Variants in TIAM1 observed in about 807,000 individuals in gnomAD.
The protein encoded by TIAM1 is rho guanine nucleotide exchange factor TIAM1.
A neutral mutation model predicts 163.5 loss-of-function variants in TIAM1; 65 were observed. That is an observed-to-expected ratio of 0.40 (90% CI 0.33 to 0.49). TIAM1 has a LOEUF of 0.49. TIAM1 is among the 20% of genes least tolerant of loss of function. TIAM1 has a pLI of 0.77. For missense variants in TIAM1, 1,789 were observed against 2,044.7 expected, an observed-to-expected ratio of 0.87 and a Z score of 2.41; for synonymous variants, 833 against 810.1, an observed-to-expected ratio of 1.03 and a Z score of -0.48.
intron 5 of TIAM1, among the ~76,000 whole-genome samples, chr21:31,249,291 C>G (rs1402316406): frequency 6.6e-6 from 1 of 152,232 alleles, no homozygotes; most frequent in East Asian, 1.9e-4. Flanking sequence ...AGACAGCCAT[C>G]TCCAAGTCAA....
intron 2 of TIAM1, among the ~76,000 whole-genome samples, chr21:31,417,989 T>C (rs1171890365): frequency 6.6e-6 from 1 of 152,078 alleles, no homozygotes; most frequent in Non-Finnish European, 1.5e-5. Context: ...TGTGAGCCCT[T>C]CAGTTTTTAT....
intron 2 of TIAM1, among the ~76,000 whole-genome samples, chr21:31,311,057 C>T (rs2074906400): frequency 6.6e-6 from 1 of 152,072 alleles, no homozygotes; most frequent in Non-Finnish European, 1.5e-5. Context: ...GACTCTCTCA[C>T]GATATGTAAA....
At chr21:31,289,738 T>C (rs2146909007) in intron 2 of TIAM1, among the ~76,000 whole-genome samples, 1 of 152,306 alleles carries the variant, frequency 6.6e-6, no homozygotes, top group African/African-American at 2.4e-5. Context: ...CCTCTTTTAA[T>C]ATAAAGGCAA....
At chr21:31,242,168 A>T (rs954944833) in intron 6 of TIAM1, among the ~76,000 whole-genome samples, 4 of 152,214 alleles carry the variant, frequency 2.6e-5, no homozygotes, top group African/African-American at 9.6e-5. Flanking sequence ...AAAGAAATAA[A>T]GTATGAGGCT....
intron 2 of TIAM1, among the ~76,000 whole-genome samples, chr21:31,298,858 A>G (rs2074396720): frequency 1.3e-5 from 2 of 151,888 alleles, no homozygotes; most frequent in South Asian, 4.2e-4. Context: ...GGCCATGAGA[A>G]GTATAATGGT....
At chr21:31,400,920 G>A (rs969656500) in intron 2 of TIAM1, among the ~76,000 whole-genome samples, 8 of 152,008 alleles carry the variant, frequency 5.3e-5, no homozygotes, top group South Asian at 2.1e-4. Flanking sequence ...GAGAAACCCC[G>A]GCTCTACTAA....
intron 1 of TIAM1, among the ~76,000 whole-genome samples, chr21:31,482,156 C>T (rs534627854): frequency 1.0e-5 from 1 of 96,250 alleles, no homozygotes; most frequent in African/African-American, 4.9e-5. Flanking sequence ...CCATAACAAA[C>T]ATCCTTTTTT....
chr21:31,485,023 G>A (rs376080680), intron 1 of TIAM1, among the ~76,000 whole-genome samples: 5 of 152,340 alleles, frequency 3.3e-5, no homozygotes, highest in African/African-American at 1.2e-4. Flanking sequence ...AAATCTGCCA[G>A]TGCCTTGATC....
At chr21:31,438,746 G>A (rs1311329599) in intron 2 of TIAM1, among the ~76,000 whole-genome samples, 2 of 152,068 alleles carry the variant, frequency 1.3e-5, no homozygotes, top group Non-Finnish European at 2.9e-5. Context: ...TGGCATTTTG[G>A]GCTGAATAAT....
At chr21:31,404,535 T>G (rs927642075) in intron 2 of TIAM1, among the ~76,000 whole-genome samples, 7 of 146,480 alleles carry the variant, frequency 4.8e-5, no homozygotes, top group African/African-American at 1.6e-4. Context: ...TCCAGTATGG[T>G]CTTTTTTTTT....
intron 4 of TIAM1, among the ~76,000 whole-genome samples, chr21:31,260,833 G>A (rs1453054355): frequency 6.6e-6 from 1 of 152,040 alleles, no homozygotes; most frequent in African/African-American, 2.4e-5. Flanking sequence ...GCCTCTAGAT[G>A]GACTTTAGGG....
chr21:31,329,413 CCTGACGACTCCTTGTGG>C (rs1269574714), intron 2 of TIAM1, among the ~76,000 whole-genome samples: 3 of 152,206 alleles, frequency 2.0e-5, no homozygotes, highest in Non-Finnish European at 4.4e-5. Flanking sequence ...TGCACACAGT[CCTGACGACTCCTTGTGG>C]GAAGGGTGAT....
chr21:31,445,406 T>C (rs2044587742), intron 2 of TIAM1, among the ~76,000 whole-genome samples: 2 of 152,208 alleles, frequency 1.3e-5, no homozygotes, highest in Admixed American at 1.3e-4. Flanking sequence ...CTGGTTTTGC[T>C]GAAAGAGGGG....
At chr21:31,337,237 C>G (rs990145568) in intron 2 of TIAM1, among the ~76,000 whole-genome samples, 1 of 152,012 alleles carries the variant, frequency 6.6e-6, no homozygotes, top group Non-Finnish European at 1.5e-5. Flanking sequence ...GCACTCTAGA[C>G]CCAGGGCAAG....
rs1568980509 is a variant in TIAM1 at position 31,181,753 on chromosome 21, CTTCTTTTTTTTTTTTTTTTTT to C, written c.2887+647_2887+667del. 7.1e-4 allele frequency among the ~76,000 whole-genome samples: 28 copies of C among 39,438 alleles called. 2 individuals carry two copies. Among genetic ancestry groups the C allele is most frequent in the African/African-American group, 2.1e-3 (28 of 13,092 alleles). The allele number at this position is 39,438 out of a possible 152,430, so 25.9% of individuals were successfully genotyped here. The stretch of plus-strand genomic sequence containing the variant: ...ATTCCCAGCACTTCTTCTTCTTCTT[CTTCTTTTTTTTTTTTTTTTTT>C]TTTTTTTTTTTTTTTTTTTTTTTTT... On this transcript the variant is annotated intron_variant, in intron 15 of 27. Coordinates refer to ENST00000541036, the MANE Select transcript of TIAM1 (RefSeq NM_001353694.2).
At chr21:31,121,342 T>C (rs1351226057) in intron 27 of TIAM1, among the ~76,000 whole-genome samples, 2 of 152,146 alleles carry the variant, frequency 1.3e-5, no homozygotes, top group Admixed American at 6.6e-5. Flanking sequence ...GGTGCATCTA[T>C]GGTTTTGCTG....
In TIAM1 at chr21:31,182,656, A is replaced by G. The variant is rs376550096; in HGVS notation, c.2663-11T>C. ...CTCCTGCTTTCAGGCCTGCCAACGCAAGATGGAAAATTTTTAATTTCACAC... is the reference window on the plus strand; with the variant it reads ...CTCCTGCTTTCAGGCCTGCCAACGCGAGATGGAAAATTTTTAATTTCACAC... On this transcript the variant is annotated splice_polypyrimidine_tract_variant and intron_variant, in intron 14 of 27. Transcript: ENST00000541036. 287 of 1,605,292 alleles carry G rather than the reference A, an allele frequency of 1.8e-4. No individual in the cohort carries two copies. Among genetic ancestry groups the G allele is most frequent in the Non-Finnish European group, 2.4e-4 (279 of 1,176,032 alleles).
intron 20 of TIAM1, among the ~76,000 whole-genome samples, chr21:31,144,180 A>G (rs2082992962): frequency 6.6e-6 from 1 of 152,224 alleles, no homozygotes; most frequent in South Asian, 2.1e-4. Flanking sequence ...CCTGAAGAGA[A>G]AGGACACTGG....
At position 31,280,683 on chromosome 21, in the gene TIAM1, C is replaced by T. The variant is rs57577864; in HGVS notation, c.-188-3775G>A. On this transcript the variant is annotated intron_variant, in intron 2 of 27. Transcript: ENST00000541036. Reference sequence around the variant, plus strand: ...GGGGCTGAGAAGTCCCACTGCTCCACTCCTGTAATATTATTTAAGATGAAA... The same window carrying T: ...GGGGCTGAGAAGTCCCACTGCTCCATTCCTGTAATATTATTTAAGATGAAA... Among the ~76,000 whole-genome samples, 160 of 152,292 alleles carry T rather than the reference C, an allele frequency of 1.1e-3. 1 individual carries two copies. The highest frequency in any genetic ancestry group is 3.6e-3 in the African/African-American group (151 of 41,544).
Sources: gnomAD v4.1 joint callset for allele counts (sites outside exome capture counted in the v4.1 genomes callset) on GRCh38, gnomAD v4.1.1 for gene constraint, MANE v1.5 for transcripts, NCBI Gene and HGNC (gene_info 2026-07-23, HGNC 2026-07-21) for gene names.